The following TAF6L variants were observed in gnomAD, a reference collection of about 807,000 sequenced individuals.
The protein encoded by TAF6L is TATA-box binding protein associated factor 6 like.
Under a neutral mutation model 57.3 loss-of-function variants are expected in TAF6L, and 34 were observed. The observed-to-expected ratio is 0.59, with a 90% confidence interval of 0.45 to 0.79. The LOEUF is 0.79. TAF6L is among the 30% of genes least tolerant of loss of function. The probability of loss-of-function intolerance (pLI) is 0.00; values close to 1 mark genes in which losing one functional copy is unlikely to be tolerated. For missense variants in TAF6L, 782 were observed against 853.2 expected, an observed-to-expected ratio of 0.92 and a Z score of 1.04; for synonymous variants, 417 against 376.3, an observed-to-expected ratio of 1.11 and a Z score of -1.25.
intron 1 of TAF6L, 39 bp from the exon 2 acceptor site, chr11:62,775,732 G>A (rs2084182047): frequency 5.7e-6 from 9 of 1,567,498 alleles, no homozygotes; most frequent in Non-Finnish European, 6.9e-6. Flanking sequence ...CTCTCCGGGA[G>A]GCTGGGCAGC....
chr11:62,782,394 G>A (rs1295052428), intron 8 of TAF6L, 61 bp downstream of exon 8: 4 of 1,547,762 alleles, frequency 2.6e-6, no homozygotes, highest in Non-Finnish European at 3.5e-6. Flanking sequence ...GTTGGGGTAA[G>A]GAAATGGGGC....
Position 62,778,876 on chromosome 11 carries a change from T to C in TAF6L, c.444T>C (p.Ser148=), listed in dbSNP as rs2084206409. Residue 148 remains serine, a synonymous_variant, in exon 6 of 11, where the codon AGT becomes AGC. Transcript: ENST00000294168. ...CTGCCTGTCCTCTGGCAGTGCCCAG[T>C]GCTGTGTCTTCACTGACAGATGACC... ...GNLAPQGSVP[S]AVSSLTDDLL... is the part of the protein sequence containing the mutation. 1.2e-6 allele frequency: 2 copies of C among 1,614,078 alleles called. No individual in the cohort carries two copies. Among genetic ancestry groups the C allele is most frequent in the Non-Finnish European group, 1.7e-6 (2 of 1,179,984 alleles).
Position 62,778,946 on chromosome 11 carries a change from G to T in TAF6L, c.514G>T (p.Asp172Tyr). ...GGTGACTCGTGCTGTGCTAGGGGATGATCCGCAACTGATGAAGGTGAGCGA... is the reference window on the plus strand; with the variant it reads ...GGTGACTCGTGCTGTGCTAGGGGATTATCCGCAACTGATGAAGGTGAGCGA... ...HQVTRAVLGD[D>Y]PQLMKVALQD... Residue 172 changes from aspartate (D) to tyrosine (Y), a missense_variant, in exon 6 of 11, where the codon GAT becomes TAT. By Grantham distance (160) the Asp-to-Tyr change is radical (BLOSUM62 -3). Around this residue, in one of 3 missense-constraint regions of TAF6L, gnomAD observed 220 missense variants for 252.1 expected, o/e 0.87. Coordinates refer to ENST00000294168, the MANE Select transcript of TAF6L (RefSeq NM_006473.4). 6.2e-7 allele frequency: 1 copy of T among 1,613,586 alleles called. No homozygotes were observed. The highest frequency in any genetic ancestry group is 2.2e-5 in the East Asian group (1 of 44,836).
In TAF6L at chr11:62,787,266, C is replaced by T. The variant is rs1031484637; in HGVS notation, c.1839C>T (p.Leu613=). ...RTSRPARRWA[L]SDYSLYLPL is the part of the protein sequence containing the mutation. ...GCCGCCCCGCCCGCCGGTGGGCGCT[C>T]TCGGACTACTCGCTGTACTTGCCGC... The change falls in exon 11 of 11, where the codon CTC becomes CTT. Residue 613 remains leucine (L), a synonymous_variant. Coordinates refer to ENST00000294168, the MANE Select transcript of TAF6L (RefSeq NM_006473.4). The T allele has an allele frequency of 3.2e-6, 5 of 1,561,526 alleles. No homozygotes were observed. Among genetic ancestry groups the T allele is most frequent in the Admixed American group, 3.7e-5 (2 of 54,378 alleles).
rs535228997 is a variant in TAF6L, at chr11:62,777,668, A to G, written c.235-310A>G. On this transcript the variant is annotated intron_variant, in intron 3 of 10. Transcript: ENST00000294168. ...GAGTTGAGAGAGGAAGGCTATGTTT[A>G]GAAGACATTAGTGAGTTTTCAAAGT... Among the ~76,000 whole-genome samples, 6 of 152,314 alleles carry G rather than the reference A, an allele frequency of 3.9e-5. No individual in the cohort carries two copies. In the South Asian group the frequency reaches 6.2e-4, roughly 16 times the overall value.
Position 62,782,315 on chromosome 11 carries a change from T to A in TAF6L, c.809T>A (p.Leu270Gln), listed in dbSNP as rs1440085729. The change falls in exon 8 of 11, where the codon CTG becomes CAG. Residue 270 changes from leucine to glutamine, a missense_variant. By Grantham distance (113) the Leu-to-Gln change is moderately radical (BLOSUM62 -2). Coordinates refer to ENST00000294168, the MANE Select transcript of TAF6L (RefSeq NM_006473.4). Reference sequence around the variant, plus strand: ...ACTCTGCGGGATGGGGCTGCCCTCCTGCTCAGCCACATCTTCTGGTAGCCA... The same window carrying A: ...ACTCTGCGGGATGGGGCTGCCCTCCAGCTCAGCCACATCTTCTGGTAGCCA... ...HWTLRDGAAL[L>Q]LSHIFWTHGD... 6.2e-7 allele frequency: 1 copy of A among 1,613,784 alleles called. No homozygotes were observed. Among genetic ancestry groups the A allele is most frequent in the Non-Finnish European group, 8.5e-7 (1 of 1,179,974 alleles).
intron 3 of TAF6L, 85 bp from the exon 4 acceptor site, chr11:62,777,893 C>T (rs2084198667): frequency 2.0e-6 from 3 of 1,502,372 alleles, no homozygotes; most frequent in Non-Finnish European, 2.7e-6. Flanking sequence ...GGGCTCTCTG[C>T]TCTGGTCAGT....
At chr11:62,772,219 G>C in intron 1 of TAF6L, 1 of 451,820 alleles carries the variant, frequency 2.2e-6, no homozygotes, top group South Asian at 1.6e-5. Context: ...TGTGTCTCAG[G>C]CATAGTACAG....
At chr11:62,782,867 A>G in intron 9 of TAF6L, 42 bp downstream of exon 9, 4 of 1,604,188 alleles carry the variant, frequency 2.5e-6, no homozygotes, top group South Asian at 2.2e-5. Flanking sequence ...AAGAACTCCC[A>G]TTTGTGTTAG....
At chr11:62,778,445 C>T in intron 5 of TAF6L, 110 bp downstream of exon 5, 2 of 1,327,982 alleles carry the variant, frequency 1.5e-6, no homozygotes, top group Non-Finnish European at 2.1e-6. Flanking sequence ...TTACCCATGC[C>T]TGCCTTGTGC....
chr11:62,774,653 A>T (rs2084172246), intron 1 of TAF6L: 1 of 454,978 alleles, frequency 2.2e-6, no homozygotes, highest in Non-Finnish European at 4.4e-6. Context: ...TCGGTTTCTT[A>T]TTGTGCTATA....
At chr11:62,776,537 T>C in intron 3 of TAF6L, 67 bp downstream of exon 3, 1 of 1,514,666 alleles carries the variant, frequency 6.6e-7, no homozygotes, top group East Asian at 2.3e-5. Context: ...AGTTCAGGGC[T>C]GGCGATGTGG....
chr11:62,779,237 C>T (rs958611258), intron 6 of TAF6L, among the ~76,000 whole-genome samples: 2 of 152,024 alleles, frequency 1.3e-5, no homozygotes, highest in African/African-American at 4.8e-5. Flanking sequence ...CATTGTCACC[C>T]AGGCTGGAGT....
chr11:62,774,810 G>A (rs1406741955), intron 1 of TAF6L: 3 of 326,164 alleles, frequency 9.2e-6, no homozygotes, highest in South Asian at 2.3e-5. Context: ...TTAGCTGGGC[G>A]TGGTGGCACG....
chr11:62,787,026 AC>A lies in TAF6L; in HGVS notation c.1603del (p.Arg535GlyfsTer30). On this transcript the variant is annotated frameshift_variant, in exon 11 of 11. Transcript: ENST00000294168. LOFTEE classifies it high-confidence loss of function. ...LPRVHRARGA[P>X]RQQGPGTGTR... ...CGCGCGTGCATCGGGCGCGCGGGGC[AC>A]CCCGGCAGCAGGGCCCCGGGACCGG... The A allele has an allele frequency of 6.7e-7, 1 of 1,500,696 alleles. No individual in the cohort carries two copies. The highest frequency in any genetic ancestry group is 8.8e-7 in the Non-Finnish European group (1 of 1,133,392). 93.0% of individuals were successfully genotyped at this position (1,500,696 alleles called of 1,614,324 possible). A position where few individuals can be genotyped will look rare whatever the true frequency, so the allele number is the denominator to read the frequency against.
At position 62,778,106 on chromosome 11, in the gene TAF6L, C is replaced by T; in HGVS notation, c.363C>T (p.Gly121=). The part of the protein sequence containing the change: ...ELALATNIPK[G]CAETAVRVHV... ...CCCTGGCTACCAACATCCCCAAAGGCTGTGCTGAGACAGCTGTCAGAGGTG... is the reference window on the plus strand; with the variant it reads ...CCCTGGCTACCAACATCCCCAAAGGTTGTGCTGAGACAGCTGTCAGAGGTG... The change falls in exon 4 of 11, where the codon GGC becomes GGT. Residue 121 remains glycine (G), a synonymous_variant. Transcript: ENST00000294168. 1.2e-6 allele frequency: 2 copies of T among 1,614,160 alleles called. No individual in the cohort carries two copies. The highest frequency in any genetic ancestry group is 1.7e-6 in the Non-Finnish European group (2 of 1,180,026).
Position 62,782,688 on chromosome 11 carries a change from C to A in TAF6L, c.828-5C>A, listed in dbSNP as rs1262975332. 6.2e-7 allele frequency: 1 copy of A among 1,611,570 alleles called. No individual in the cohort carries two copies. The highest frequency in any genetic ancestry group is 1.3e-5 in the African/African-American group (1 of 74,816). ...CCCCTCCCTAACTGAATGGTGCTCC[C>A]ACAGGACTCATGGGGACCTTGTAAG... On this transcript the variant is annotated splice_region_variant and splice_polypyrimidine_tract_variant and intron_variant, in intron 8 of 10. Coordinates refer to ENST00000294168, the MANE Select transcript of TAF6L (RefSeq NM_006473.4).
intron 1 of TAF6L, among the ~76,000 whole-genome samples, chr11:62,772,384 A>C (rs1023119423): frequency 2.0e-5 from 3 of 152,026 alleles, no homozygotes; most frequent in African/African-American, 7.2e-5. Flanking sequence ...TTAGCTGGGC[A>C]TGGCGGCGTA....
rs1188482372 is a variant in TAF6L, at chr11:62,786,964, G to T, written c.1537G>T (p.Ala513Ser). ...CAGCGGCGGAGGCGGCCCCGCGTCG[G>T]CCTCTGGGCCCGCCGCCTCTGAGAG... ...RGSGGGGPAS[A>S]SGPAASESRP... The change falls in exon 11 of 11, where the codon GCC becomes TCC. Residue 513 changes from alanine to serine, a missense_variant. Transcript: ENST00000294168. 35 of 1,443,820 alleles carry T rather than the reference G, an allele frequency of 2.4e-5. No homozygotes were observed. Among genetic ancestry groups the T allele is most frequent in the Non-Finnish European group, 2.7e-5 (30 of 1,110,132 alleles). The allele number at this position is 1,443,820 out of a possible 1,614,324, so 89.4% of individuals were successfully genotyped here.
Sources: allele counts gnomAD v4.1 joint callset (sites outside exome capture counted in the v4.1 genomes callset), GRCh38; gene constraint gnomAD v4.1.1; regional missense constraint gnomAD v4.1.1; transcripts MANE v1.5; gene names NCBI Gene and HGNC (gene_info 2026-07-23, HGNC 2026-07-21).